The following GALNT16 variants were observed in gnomAD, a reference collection of about 807,000 sequenced individuals.
GALNT16 encodes the protein polypeptide N-acetylgalactosaminyltransferase 16, also known as UDP-GalNAc:polypeptide N-acetylgalactosaminyltransferase-like protein 1.
In GALNT16, 40 loss-of-function variants were observed where a neutral mutation model predicts 76.1. The ratio of observed to expected loss-of-function variants is 0.53; its 90% CI spans 0.41 to 0.68. GALNT16 has a LOEUF of 0.68. Among genes scored for constraint, GALNT16 ranks in the 30% least tolerant of loss-of-function variants. The pLI is 0.00. For synonymous variants in GALNT16, 276 were observed against 285.2 expected (o/e 0.97, Z 0.32); for missense variants, 621 against 731.9 (o/e 0.85, Z 1.75).
the GALNT16 span, among the ~76,000 whole-genome samples, chr14:69,371,547 C>T: frequency 6.6e-6 from 1 of 152,042 alleles, no homozygotes; most frequent in African/African-American, 2.4e-5. Context: ...TTAGCCACCA[C>T]ACCCGGCCTA....
rs1393721899 is a variant in GALNT16 at position 69,338,703 on chromosome 14, C to CAG, written c.1021_1022dup (p.Ser341ArgfsTer62). ...GTGGCAGTCTGGAGATCGTCCCCTG[C>CAG]AGCCGGGTGGGCCATGTCTTCAGGA... On this transcript the variant is annotated frameshift_variant, in exon 10 of 15. Transcript: ENST00000448469. LOFTEE classifies it high-confidence loss of function. 6.2e-7 allele frequency: 1 copy of CAG among 1,613,814 alleles called. No homozygotes were observed. The highest frequency in any genetic ancestry group is 8.5e-7 in the Non-Finnish European group (1 of 1,179,892).
At chr14:69,332,956 A>G (rs2045372623) in intron 7 of GALNT16, 129 bp from the exon 8 acceptor site, 4 of 722,280 alleles carry the variant, frequency 5.5e-6, no homozygotes, top group Middle Eastern at 3.3e-4. Context: ...CTCATTCCGA[A>G]TGAAGGAGGG....
intron 1 of GALNT16, among the ~76,000 whole-genome samples, chr14:69,282,340 G>C (rs2044555059): frequency 6.6e-6 from 1 of 152,080 alleles, no homozygotes; most frequent in African/African-American, 2.4e-5. Flanking sequence ...CTTCCACACT[G>C]ACCTCCTTTC....
At chr14:69,379,668 A>C in the GALNT16 span, among the ~76,000 whole-genome samples, 2 of 152,206 alleles carry the variant, frequency 1.3e-5, no homozygotes, top group African/African-American at 2.4e-5. Context: ...TGTCTCAAAA[A>C]AACAACAACA....
intron 11 of GALNT16, among the ~76,000 whole-genome samples, chr14:69,340,264 C>T (rs1205747239): frequency 6.6e-6 from 1 of 152,072 alleles, no homozygotes; most frequent in Non-Finnish European, 1.5e-5. Flanking sequence ...GGGATTTGTT[C>T]CAGGACCCCC....
Position 69,264,819 on chromosome 14 carries a change from C to CTTTTTTTTTTTTTTTTTTTTTTTTTTTT in GALNT16, c.177+4363_177+4364insTTTTTTTTTTTTTTTTTTTTTTTTTTTT, listed in dbSNP as rs60818532. On this transcript the variant is annotated intron_variant, in intron 1 of 14. Transcript: ENST00000448469. ...TTTATTTTCTCTTTTCTTTTTCTTT[C>CTTTTTTTTTTTTTTTTTTTTTTTTTTTT]TTTTTTTTTTTGGACACAGGGTCTC... 2.5e-3 allele frequency among the ~76,000 whole-genome samples: 246 copies of CTTTTTTTTTTTTTTTTTTTTTTTTTTTT among 96,548 alleles called. 27 individuals are homozygous for CTTTTTTTTTTTTTTTTTTTTTTTTTTTT. Among genetic ancestry groups the CTTTTTTTTTTTTTTTTTTTTTTTTTTTT allele is most frequent in the East Asian group, 9.9e-3 (23 of 2,320 alleles). 63.3% of individuals were successfully genotyped at this position (96,548 alleles called of 152,430 possible). A position where few individuals can be genotyped will look rare whatever the true frequency, so the allele number is the denominator to read the frequency against.
chr14:69,269,839 C>T (rs1251046367), intron 1 of GALNT16, among the ~76,000 whole-genome samples: 5 of 148,890 alleles, frequency 3.4e-5, no homozygotes, highest in Admixed American at 2.7e-4. Flanking sequence ...ATGTATGTGT[C>T]GGGGGTGTAG....
chr14:69,305,145 T>A (rs76131266), intron 1 of GALNT16, among the ~76,000 whole-genome samples: 1 of 151,622 alleles, frequency 6.6e-6, no homozygotes, highest in African/African-American at 2.4e-5. Context: ...TTTTTTTTTT[T>A]TATAATAACC....
chr14:69,299,118 C>T (rs890481553), intron 1 of GALNT16, among the ~76,000 whole-genome samples: 6 of 152,206 alleles, frequency 3.9e-5, no homozygotes, highest in African/African-American at 1.4e-4. Context: ...TCAGCACGTG[C>T]AGTAGCCCTG....
chr14:69,275,873 C>T (rs775725612), intron 1 of GALNT16, among the ~76,000 whole-genome samples: 3 of 152,204 alleles, frequency 2.0e-5, no homozygotes, highest in East Asian at 3.9e-4. Context: ...TCCGTTTTCA[C>T]GCTGCTGATA....
chr14:69,346,901 T>C (rs1302324104), intron 12 of GALNT16, 139 bp from the exon 13 acceptor site: 4 of 952,712 alleles, frequency 4.2e-6, no homozygotes, highest in African/African-American at 1.6e-5. Context: ...CACCTCCCCC[T>C]GCTGGCCAGG....
At chr14:69,290,650 G>T (rs1007065539) in intron 1 of GALNT16, among the ~76,000 whole-genome samples, 2 of 152,226 alleles carry the variant, frequency 1.3e-5, no homozygotes, top group Non-Finnish European at 2.9e-5. Context: ...ACTCTTGAAA[G>T]TGCCTCCCAG....
chr14:69,346,085 G>A (rs2045560395), intron 12 of GALNT16, among the ~76,000 whole-genome samples: 2 of 151,852 alleles, frequency 1.3e-5, no homozygotes, highest in Admixed American at 1.3e-4. Context: ...GTAGAGATGG[G>A]GTCTTTCTGT....
chr14:69,336,023 G>C (rs1053376701), intron 9 of GALNT16, among the ~76,000 whole-genome samples: 1 of 152,136 alleles, frequency 6.6e-6, no homozygotes, highest in Non-Finnish European at 1.5e-5. Flanking sequence ...ACTGGCTACA[G>C]GGTATCTGCC....
At chr14:69,285,231 G>T (rs1366984869) in intron 1 of GALNT16, among the ~76,000 whole-genome samples, 1 of 151,888 alleles carries the variant, frequency 6.6e-6, no homozygotes, top group Admixed American at 6.6e-5. Flanking sequence ...TAGTAGAGAC[G>T]GGGTTTCACC....
intron 5 of GALNT16, among the ~76,000 whole-genome samples, chr14:69,327,193 A>T (rs2045297159): frequency 6.6e-6 from 1 of 152,198 alleles, no homozygotes; most frequent in South Asian, 2.1e-4. Flanking sequence ...TCTACTAAAA[A>T]TACGAAAATA....
chr14:69,314,841 G>A (rs1331596776), intron 1 of GALNT16, among the ~76,000 whole-genome samples: 1 of 152,116 alleles, frequency 6.6e-6, no homozygotes. Context: ...AAAAAAGTCA[G>A]GGGCCATCCA....
rs78657551 is a variant in GALNT16 at position 69,352,514 on chromosome 14, G to A, written c.*346G>A. 6.7e-5 allele frequency: 13 copies of A among 194,994 alleles called. No individual in the cohort carries two copies. Among genetic ancestry groups the A allele is most frequent in the East Asian group, 2.5e-4 (2 of 8,036 alleles). The allele number at this position is 194,994 out of a possible 1,614,324, so 12.1% of individuals were successfully genotyped here. ...GTGTGTGGTCTCTCCCTTGTTGCCC[G>A]GAGAAAGCAAGGACAGAAGCCCACA... On this transcript the variant is annotated 3_prime_UTR_variant, in exon 15 of 15. Transcript: ENST00000448469.
chr14:69,331,485 C>A lies in GALNT16; in HGVS notation c.712C>A (p.Pro238Thr). The change falls in exon 7 of 15, where the codon CCC becomes ACC. Residue 238 changes from proline to threonine, a missense_variant. Transcript: ENST00000448469. ...VKEDHTRVVS[P>T]IIDVISLDNF... ...CTAGGACCACACCCGCGTGGTGAGTCCCATCATTGATGTCATCAGTCTGGA... is the reference window on the plus strand; with the variant it reads ...CTAGGACCACACCCGCGTGGTGAGTACCATCATTGATGTCATCAGTCTGGA... 1.9e-6 allele frequency: 3 copies of A among 1,606,332 alleles called. No homozygotes were observed. The highest frequency in any genetic ancestry group is 2.6e-6 in the Non-Finnish European group (3 of 1,172,880).
Sources: gnomAD v4.1 joint callset for allele counts (sites outside exome capture counted in the v4.1 genomes callset) on GRCh38, gnomAD v4.1.1 for gene constraint, MANE v1.5 for transcripts, NCBI Gene and HGNC (gene_info 2026-07-23, HGNC 2026-07-21) for gene names.